Variants in IGFBP2 observed in about 807,000 individuals in gnomAD.
IGFBP2 encodes the protein insulin like growth factor binding protein 2, also known as insulin-like growth factor-binding protein 2.
A neutral mutation model predicts 26.2 loss-of-function variants in IGFBP2; 12 were observed. That is an observed-to-expected ratio of 0.46 (90% CI 0.29 to 0.74). The LOEUF is 0.74. Ranked by LOEUF, IGFBP2 falls within the 30% of genes least tolerant of loss-of-function variation. The probability of loss-of-function intolerance (pLI) is 0.09; values close to 1 mark genes in which losing one functional copy is unlikely to be tolerated. For missense variants in IGFBP2, 328 were observed against 441.2 expected (o/e 0.74, Z 2.30); for synonymous variants, 189 against 200.6 (o/e 0.94, Z 0.49).
intron 1 of IGFBP2, among the ~76,000 whole-genome samples, chr2:216,634,906 T>TTTTTTTTTAA (rs371560018): frequency 1.6e-5 from 2 of 128,490 alleles, no homozygotes; most frequent in African/African-American, 5.7e-5. Context: ...TTTTTTTTTT[T>TTTTTTTTTAA]AATTACGAAA....
chr2:216,647,897 T>G (rs1293548960), intron 1 of IGFBP2, among the ~76,000 whole-genome samples: 1 of 152,084 alleles, frequency 6.6e-6, no homozygotes, highest in Non-Finnish European at 1.5e-5. Context: ...CTCAGCTCAC[T>G]GCAACCTCCA....
At chr2:216,655,051 T>C (rs928221079) in intron 1 of IGFBP2, among the ~76,000 whole-genome samples, 3 of 152,086 alleles carry the variant, frequency 2.0e-5, no homozygotes, top group Non-Finnish European at 4.4e-5. Context: ...TTAAAAATTA[T>C]TATTTTTCGT....
chr2:216,638,706 C>CTT (rs34241189), intron 1 of IGFBP2, among the ~76,000 whole-genome samples: 6 of 145,764 alleles, frequency 4.1e-5, no homozygotes, highest in East Asian at 2.0e-4. Context: ...TGTTCAATTT[C>CTT]TTTTTTTTTT....
intron 1 of IGFBP2, among the ~76,000 whole-genome samples, chr2:216,638,952 G>A (rs1189956502): frequency 6.6e-6 from 1 of 151,418 alleles, no homozygotes; most frequent in Non-Finnish European, 1.5e-5. Flanking sequence ...CGCCCACCTC[G>A]GCCTCCCAAA....
At chr2:216,640,045 C>T (rs1393640932) in intron 1 of IGFBP2, among the ~76,000 whole-genome samples, 5 of 152,168 alleles carry the variant, frequency 3.3e-5, no homozygotes, top group African/African-American at 7.2e-5. Context: ...CTTCTCCATG[C>T]TGTCCTCTTT....
intron 1 of IGFBP2, among the ~76,000 whole-genome samples, chr2:216,638,358 A>G (rs1697542889): frequency 6.6e-6 from 1 of 151,518 alleles, no homozygotes; most frequent in Non-Finnish European, 1.5e-5. Context: ...TGCAAAAATT[A>G]GTTGGGCATG....
chr2:216,641,071 C>G (rs1697604044), intron 1 of IGFBP2, among the ~76,000 whole-genome samples: 1 of 152,194 alleles, frequency 6.6e-6, no homozygotes, highest in African/African-American at 2.4e-5. Flanking sequence ...GTTAGTAAGG[C>G]TCTTCCTCCA....
intron 1 of IGFBP2, among the ~76,000 whole-genome samples, chr2:216,643,682 C>CA (rs937846972): frequency 6.6e-6 from 1 of 151,570 alleles, no homozygotes; most frequent in Non-Finnish European, 1.5e-5. Context: ...AAAAAAATTG[C>CA]AAAAAAATCT....
At chr2:216,658,495 T>C (rs1697961152) in intron 1 of IGFBP2, among the ~76,000 whole-genome samples, 2 of 152,050 alleles carry the variant, frequency 1.3e-5, no homozygotes, top group Non-Finnish European at 2.9e-5. Context: ...AGCAGCAACA[T>C]GGATATAGAA....
rs9341100 is a variant in IGFBP2, at chr2:216,635,655, C to G, written c.442+1690C>G. ...ATTCGTCTTATTCTAAGCCTGAAAACCAATTCTACTTCCCAAATCCCTGAA... is the reference window on the plus strand; with the variant it reads ...ATTCGTCTTATTCTAAGCCTGAAAAGCAATTCTACTTCCCAAATCCCTGAA... On this transcript the variant is annotated intron_variant, in intron 1 of 3. Transcript: ENST00000233809. Among the ~76,000 whole-genome samples, 1,445 of 152,014 alleles carry G rather than the reference C, an allele frequency of 9.5e-3. 23 individuals carry two copies. The highest frequency in any genetic ancestry group is 0.033 in the African/African-American group (1,356 of 41,404).
At chr2:216,657,783 G>A (rs1471810781) in intron 1 of IGFBP2, among the ~76,000 whole-genome samples, 2 of 152,190 alleles carry the variant, frequency 1.3e-5, no homozygotes. Context: ...CGGGCTGCTG[G>A]AACAATTTAA....
At chr2:216,642,240 C>A (rs1293479878) in intron 1 of IGFBP2, among the ~76,000 whole-genome samples, 1 of 151,462 alleles carries the variant, frequency 6.6e-6, no homozygotes, top group African/African-American at 2.4e-5. Context: ...CCTCATGATC[C>A]GCCCACCTCG....
At chr2:216,648,417 G>A (rs1227601089) in intron 1 of IGFBP2, among the ~76,000 whole-genome samples, 5 of 152,088 alleles carry the variant, frequency 3.3e-5, no homozygotes, top group Non-Finnish European at 7.4e-5. Flanking sequence ...AGGAGCCCAG[G>A]GCTAGGTTCT....
chr2:216,663,924 T>C lies in IGFBP2; in HGVS notation c.814-16T>C, dbSNP rs1559181920. The C allele has an allele frequency of 6.2e-7, 1 of 1,611,580 alleles. No homozygotes were observed. The highest frequency in any genetic ancestry group is 8.5e-7 in the Non-Finnish European group (1 of 1,178,574). On this transcript the variant is annotated splice_polypyrimidine_tract_variant and intron_variant, in intron 3 of 3. Transcript: ENST00000233809. ...CTGGCTGCGGGCTCCTCCATGCTCT[T>C]CTCCTCTCTCCCCAGTGCAAGATGT...
intron 1 of IGFBP2, among the ~76,000 whole-genome samples, chr2:216,635,294 G>A (rs1354500687): frequency 6.6e-6 from 1 of 151,932 alleles, no homozygotes; most frequent in Non-Finnish European, 1.5e-5. Context: ...CTTCTCCCTC[G>A]GCTCGCTTCC....
chr2:216,660,567 T>C lies in IGFBP2; in HGVS notation c.453T>C (p.Asp151=). The C allele has an allele frequency of 6.2e-7, 1 of 1,604,776 alleles. No homozygotes were observed. Among genetic ancestry groups the C allele is most frequent in the Non-Finnish European group, 8.5e-7 (1 of 1,174,314 alleles). ...ASPEQVADNG[D]DHSEGGLVEN... ...TTCCTCTCTTGGCAGACAATGGCGA[T>C]GACCACTCAGAAGGAGGCCTGGTGG... Residue 151 remains aspartate (D), a synonymous_variant, in exon 2 of 4, where the codon GAT becomes GAC. Coordinates refer to ENST00000233809, the MANE Select transcript of IGFBP2 (RefSeq NM_000597.3).
chr2:216,660,904 T>C, intron 2 of IGFBP2, 118 bp downstream of exon 2: 1 of 748,330 alleles, frequency 1.3e-6, no homozygotes, highest in Admixed American at 2.4e-5. Context: ...AAAGCACTTT[T>C]CTTTCCACAA....
intron 1 of IGFBP2, among the ~76,000 whole-genome samples, chr2:216,639,610 G>T (rs1056990679): frequency 1.3e-5 from 2 of 151,516 alleles, no homozygotes; most frequent in South Asian, 2.1e-4. Flanking sequence ...CTGTGTATCT[G>T]GGAATTGTTA....
At chr2:216,644,327 T>C (rs1697669821) in intron 1 of IGFBP2, among the ~76,000 whole-genome samples, 1 of 151,906 alleles carries the variant, frequency 6.6e-6, no homozygotes, top group Non-Finnish European at 1.5e-5. Flanking sequence ...TGCTGGGCAG[T>C]GGAATTCGTC....
Sources: gnomAD v4.1 joint callset for allele counts (sites outside exome capture counted in the v4.1 genomes callset) on GRCh38, gnomAD v4.1.1 for gene constraint, MANE v1.5 for transcripts, NCBI Gene and HGNC (gene_info 2026-07-23, HGNC 2026-07-21) for gene names.